Variants in ANK1 observed in about 807,000 individuals in gnomAD.
ANK1 encodes the protein ankyrin-1.
In ANK1, 51 loss-of-function variants were observed where a neutral mutation model predicts 210.4. The observed-to-expected ratio is 0.24, with a 90% CI of 0.19 to 0.31. ANK1 has a LOEUF of 0.31. Ranked by LOEUF, ANK1 falls within the 10% of genes least tolerant of loss-of-function variation. ANK1 has a pLI of 1.00. For missense variants in ANK1, 2,051 were observed against 2,504.4 expected, an observed-to-expected ratio of 0.82 and a Z score of 3.86; for synonymous variants, 967 against 1,025.9, an observed-to-expected ratio of 0.94 and a Z score of 1.10.
intron 1 of ANK1, among the ~76,000 whole-genome samples, chr8:41,816,210 T>C (rs1027893270): frequency 6.6e-5 from 10 of 152,244 alleles, no homozygotes; most frequent in Admixed American, 2.6e-4. Context: ...CTGCATGTTA[T>C]GAGAGTCACA....
chr8:41,704,591 T>C lies in ANK1; in HGVS notation c.2098-119A>G, dbSNP rs1824048005. Reference sequence around the variant, plus strand: ...ACAGGGAGCCCCTTGAAGGCTGACATTGACAAGCTGAATGGCTGCTGCTGG... The same window carrying C: ...ACAGGGAGCCCCTTGAAGGCTGACACTGACAAGCTGAATGGCTGCTGCTGG... On this transcript the variant is annotated intron_variant, in intron 18 of 42. Transcript: ENST00000289734. The surrounding 1 kb of genome is among the most constrained non-coding windows in gnomAD (Gnocchi z 4.1). 6.9e-6 allele frequency: 6 copies of C among 870,686 alleles called. No individual in the cohort carries two copies. Among genetic ancestry groups the C allele is most frequent in the East Asian group, 5.1e-5 (2 of 39,376 alleles). 53.9% of individuals were successfully genotyped at this position (870,686 alleles called of 1,614,324 possible). A position where few individuals can be genotyped will look rare whatever the true frequency, so the allele number is the denominator to read the frequency against.
Position 41,701,481 on chromosome 8 carries a change from G to A in ANK1, c.2461+69C>T, listed in dbSNP as rs1426877034. 5 of 1,457,120 alleles carry A rather than the reference G, an allele frequency of 3.4e-6. No homozygotes were observed. The African/African-American group carries it at 7.0e-5, about 20-fold the overall frequency. The allele number at this position is 1,457,120 out of a possible 1,614,324, so 90.3% of individuals were successfully genotyped here. A position where few individuals can be genotyped will look rare whatever the true frequency, so the allele number is the denominator to read the frequency against. ...AGGGGACAAAGCCGGCAGGTGGCAG[G>A]AAGCCCCCTTGGAGGGTGCCCGGAG... is the stretch of plus-strand genomic sequence containing the variant. On this transcript the variant is annotated intron_variant, in intron 22 of 42. Transcript: ENST00000289734.
intron 12 of ANK1, 41 bp downstream of exon 12, chr8:41,717,563 T>G: frequency 5.3e-6 from 8 of 1,517,754 alleles, no homozygotes; most frequent in Non-Finnish European, 7.2e-6. Flanking sequence ...CTCTGAGCTC[T>G]TGGTCTAGGG....
rs183087678 is a variant in ANK1 at position 41,748,806 on chromosome 8, C to T, written c.129+9230G>A. Among the ~76,000 whole-genome samples the T allele has an allele frequency of 3.5e-3, 528 of 152,280 alleles. 3 individuals are homozygous for T. The highest frequency in any genetic ancestry group is 5.8e-3 in the South Asian group (28 of 4,824). On this transcript the variant is annotated intron_variant, in intron 2 of 42. Coordinates refer to ENST00000289734, the MANE Select transcript of ANK1 (RefSeq NM_000037.4). ...ATCCCAGCACTTTGGGAGGCTAAGGCGGGCAGATCACGAGGTCAGGAGATC... is the reference window on the plus strand; with the variant it reads ...ATCCCAGCACTTTGGGAGGCTAAGGTGGGCAGATCACGAGGTCAGGAGATC...
chr8:41,895,904 C>CG (rs1554674047), intron 1 of ANK1, among the ~76,000 whole-genome samples: 3 of 151,930 alleles, frequency 2.0e-5, no homozygotes, highest in Non-Finnish European at 4.4e-5. Flanking sequence ...CAGAGCTGCC[C>CG]CCCCCCGGCC....
intron 3 of ANK1, among the ~76,000 whole-genome samples, chr8:41,730,468 A>G (rs1462899325): frequency 1.5e-5 from 2 of 133,514 alleles, no homozygotes; most frequent in Non-Finnish European, 3.2e-5. Context: ...TTTTTTTTTT[A>G]AAGGCATAAA....
At chr8:41,874,113 C>T (rs555531756) in intron 1 of ANK1, among the ~76,000 whole-genome samples, 1 of 152,288 alleles carries the variant, frequency 6.6e-6, no homozygotes, top group Admixed American at 6.5e-5. Flanking sequence ...AAGGCTGGGG[C>T]CTTGAAAGGC....
rs781608927 is a variant in ANK1, at chr8:41,684,722, C to G, written c.4391-32G>C. 3.7e-6 allele frequency: 6 copies of G among 1,609,374 alleles called. No individual in the cohort carries two copies. In the African/African-American group the frequency reaches 8.0e-5, roughly 21 times the overall value. On this transcript the variant is annotated intron_variant, in intron 36 of 42. Coordinates refer to ENST00000289734, the MANE Select transcript of ANK1 (RefSeq NM_000037.4). ...GCGCAGAAGAGAGATGCACGTTACT[C>G]CAGGCCGGTGAGCGAGGATCACATG...
chr8:41,693,006 T>C, intron 30 of ANK1, 99 bp downstream of exon 30: 1 of 1,510,640 alleles, frequency 6.6e-7, no homozygotes, highest in South Asian at 1.1e-5. Context: ...GGCTTCCACA[T>C]GGAGGGGACA....
intron 1 of ANK1, among the ~76,000 whole-genome samples, chr8:41,888,395 C>G (rs1021070747): frequency 6.6e-6 from 1 of 152,228 alleles, no homozygotes; most frequent in East Asian, 1.9e-4. Flanking sequence ...TCAGACCACC[C>G]GACTTCTTAG....
At chr8:41,731,937 C>T (rs544904030) in intron 3 of ANK1, among the ~76,000 whole-genome samples, 2 of 152,324 alleles carry the variant, frequency 1.3e-5, no homozygotes, top group South Asian at 4.1e-4. Flanking sequence ...AATAATCTCA[C>T]CCTTCATCCA....
intron 1 of ANK1, among the ~76,000 whole-genome samples, chr8:41,883,155 G>C (rs1448059058): frequency 6.6e-6 from 1 of 152,248 alleles, no homozygotes. Flanking sequence ...CACAGCGTGT[G>C]TGGCCCCGGG....
At chr8:41,854,789 TG>T (rs1264203770) in intron 1 of ANK1, among the ~76,000 whole-genome samples, 1 of 152,004 alleles carries the variant, frequency 6.6e-6, no homozygotes, top group Admixed American at 6.6e-5. Flanking sequence ...AGAAAAAAAT[TG>T]TTTTTTTAAA....
At chr8:41,673,026 G>T in intron 37 of ANK1, 114 bp from the exon 38 acceptor site, 1 of 1,142,836 alleles carries the variant, frequency 8.8e-7, no homozygotes, top group Non-Finnish European at 1.3e-6. Flanking sequence ...CCACAGAGAT[G>T]CATGCACATT....
intron 1 of ANK1, among the ~76,000 whole-genome samples, chr8:41,886,522 G>A (rs1248172445): frequency 1.3e-5 from 2 of 152,176 alleles, no homozygotes; most frequent in Admixed American, 1.3e-4. Flanking sequence ...TGGCCCCCTT[G>A]CCCAAGGGTA....
intron 1 of ANK1, among the ~76,000 whole-genome samples, chr8:41,766,439 C>G (rs1157866540): frequency 6.6e-6 from 1 of 152,220 alleles, no homozygotes; most frequent in Non-Finnish European, 1.5e-5. Flanking sequence ...CAAACTGTCT[C>G]CAGGCTCCCC....
intron 1 of ANK1, among the ~76,000 whole-genome samples, chr8:41,783,371 T>G (rs1845709677): frequency 6.6e-6 from 1 of 152,216 alleles, no homozygotes; most frequent in South Asian, 2.1e-4. Context: ...TCCTGTGACT[T>G]CTACCCCACC....
intron 1 of ANK1, among the ~76,000 whole-genome samples, chr8:41,777,835 C>T (rs905909547): frequency 6.6e-6 from 1 of 152,134 alleles, no homozygotes; most frequent in Non-Finnish European, 1.5e-5. Context: ...ATGAAAAATG[C>T]ACAGTGAATC....
At chr8:41,682,418 T>C (rs1816355874) in intron 37 of ANK1, among the ~76,000 whole-genome samples, 1 of 152,222 alleles carries the variant, frequency 6.6e-6, no homozygotes. Context: ...CCCGCGTGGC[T>C]CTCCTCACAG....
Sources: gnomAD v4.1 joint callset for allele counts (sites outside exome capture counted in the v4.1 genomes callset) on GRCh38, gnomAD v4.1.1 for gene constraint, Gnocchi (gnomAD v3.1) non-coding constraint, MANE v1.5 for transcripts, NCBI Gene and HGNC (gene_info 2026-07-23, HGNC 2026-07-21) for gene names.